The following OTUD7A variants were observed in gnomAD, a reference collection of about 807,000 sequenced individuals.
OTUD7A encodes the protein OTU deubiquitinase 7A.
A neutral mutation model predicts 65.7 loss-of-function variants in OTUD7A; 12 were observed. That is an observed-to-expected ratio of 0.18 (90% CI 0.12 to 0.30). The LOEUF is 0.30. Among genes scored for constraint, OTUD7A ranks in the 10% least tolerant of loss-of-function variants. The pLI, the probability that OTUD7A is intolerant of heterozygous loss-of-function variation, is 1.00. For missense variants in OTUD7A, 1,148 were observed against 1,304.8 expected (o/e 0.88, Z 1.85); for synonymous variants, 641 against 586.3 (o/e 1.09, Z -1.35).
At chr15:31,646,833 C>A (rs1171552789) in intron 3 of OTUD7A, among the ~76,000 whole-genome samples, 1 of 152,076 alleles carries the variant, frequency 6.6e-6, no homozygotes, top group Non-Finnish European at 1.5e-5. Context: ...AGTGATGGTA[C>A]CTGGGGGTTA....
chr15:31,610,442 T>C (rs1353680722), intron 3 of OTUD7A, among the ~76,000 whole-genome samples: 1 of 151,542 alleles, frequency 6.6e-6, no homozygotes, highest in Non-Finnish European at 1.5e-5. Flanking sequence ...AAACTATACC[T>C]TAGAACAAAT....
At chr15:31,673,193 G>T (rs963786728) in intron 1 of OTUD7A, among the ~76,000 whole-genome samples, 1 of 152,220 alleles carries the variant, frequency 6.6e-6, no homozygotes, top group East Asian at 1.9e-4. Flanking sequence ...CTTGACTTAT[G>T]ATGGGGTAAC....
intron 3 of OTUD7A, among the ~76,000 whole-genome samples, chr15:31,572,991 C>G (rs531713490): frequency 1.3e-5 from 2 of 151,922 alleles, no homozygotes; most frequent in African/African-American, 4.8e-5. Context: ...ATTAAAAAAG[C>G]AAACTTTTTG....
At chr15:31,694,909 G>A (rs1464526240) in intron 1 of OTUD7A, among the ~76,000 whole-genome samples, 10 of 151,518 alleles carry the variant, frequency 6.6e-5, no homozygotes, top group Admixed American at 1.3e-4. Flanking sequence ...GCAGTGGCGC[G>A]ATCTCGGCTC....
At chr15:31,656,950 T>C (rs1349291633) in intron 2 of OTUD7A, 33 bp downstream of exon 2, 1 of 152,712 alleles carries the variant, frequency 6.5e-6, no homozygotes, top group Non-Finnish European at 1.5e-5. Flanking sequence ...AATTTTTAGT[T>C]GATGCGGCCA....
chr15:31,489,922 C>T (rs995028735), intron 10 of OTUD7A, among the ~76,000 whole-genome samples: 5 of 152,228 alleles, frequency 3.3e-5, no homozygotes, highest in Non-Finnish European at 5.9e-5. Flanking sequence ...AGCAGCCTTG[C>T]GGCCTAGATC....
intron 3 of OTUD7A, among the ~76,000 whole-genome samples, chr15:31,617,617 C>A (rs1890632438): frequency 6.6e-6 from 1 of 152,070 alleles, no homozygotes; most frequent in Non-Finnish European, 1.5e-5. Flanking sequence ...AAAGCTTAAG[C>A]ACAGGAAAGA....
At chr15:31,685,901 T>G (rs1892825286) in intron 1 of OTUD7A, among the ~76,000 whole-genome samples, 1 of 152,182 alleles carries the variant, frequency 6.6e-6, no homozygotes, top group Non-Finnish European at 1.5e-5. Context: ...CTTCACACAC[T>G]TATGGGGCAC....
intron 1 of OTUD7A, among the ~76,000 whole-genome samples, chr15:31,782,681 A>C (rs1389388307): frequency 6.6e-6 from 1 of 152,214 alleles, no homozygotes; most frequent in Non-Finnish European, 1.5e-5. Context: ...GAAAGAAAGT[A>C]ATTTGGTGAA....
At chr15:31,665,141 G>A (rs1892284594) in intron 1 of OTUD7A, among the ~76,000 whole-genome samples, 1 of 152,110 alleles carries the variant, frequency 6.6e-6, no homozygotes, top group African/African-American at 2.4e-5. Flanking sequence ...GGCTATGCAG[G>A]CTCTTTTTTT....
At chr15:31,653,032 C>T (rs1471745790) in intron 3 of OTUD7A, among the ~76,000 whole-genome samples, 3 of 152,032 alleles carry the variant, frequency 2.0e-5, no homozygotes, top group Non-Finnish European at 2.9e-5. Context: ...GGGCAGATCA[C>T]GAGGTCAGGA....
At chr15:31,663,750 T>G (rs1892239502) in intron 1 of OTUD7A, among the ~76,000 whole-genome samples, 1 of 152,230 alleles carries the variant, frequency 6.6e-6, no homozygotes, top group East Asian at 1.9e-4. Flanking sequence ...GTGGCGATTT[T>G]TGAGATTTTG....
At position 31,484,386 on chromosome 15, in the gene OTUD7A, C is replaced by T. The variant is rs1226588144; in HGVS notation, c.1710G>A (p.Lys570=). The part of the protein sequence containing the change: ...NGDSAERGKE[K]KAKSRKGSKE... Reference sequence around the variant, plus strand: ...TGCTGCCCTTGCGCGACTTGGCCTTCTTCTCCTTGCCCCGCTCGGCCGAGT... The same window carrying T: ...TGCTGCCCTTGCGCGACTTGGCCTTTTTCTCCTTGCCCCGCTCGGCCGAGT... The change falls in exon 13 of 13, where the codon AAG becomes AAA. Residue 570 remains lysine (K), a synonymous_variant. Coordinates refer to ENST00000307050, the MANE Select transcript of OTUD7A (RefSeq NM_001382637.1). The surrounding 1 kb of genome is among the most constrained non-coding windows in gnomAD (Gnocchi z 4.5). The T allele has an allele frequency of 3.7e-6, 6 of 1,601,166 alleles. No homozygotes were observed. Among genetic ancestry groups the T allele is most frequent in the African/African-American group, 1.3e-5 (1 of 74,908 alleles).
intron 1 of OTUD7A, among the ~76,000 whole-genome samples, chr15:31,862,261 A>G (rs572565420): frequency 6.6e-6 from 1 of 152,178 alleles, no homozygotes; most frequent in Non-Finnish European, 1.5e-5. Flanking sequence ...GATCCTGCCC[A>G]ATGAGCCCTT....
intron 1 of OTUD7A, among the ~76,000 whole-genome samples, chr15:31,698,470 T>TG (rs1184740867): frequency 6.6e-6 from 1 of 152,218 alleles, no homozygotes; most frequent in East Asian, 1.9e-4. Flanking sequence ...TCAGCATTGT[T>TG]GGAGATTTGT....
chr15:31,680,595 G>A (rs1183222657), intron 1 of OTUD7A, among the ~76,000 whole-genome samples: 1 of 152,070 alleles, frequency 6.6e-6, no homozygotes, highest in Non-Finnish European at 1.5e-5. Context: ...GACCCGGGAG[G>A]GAAGGAGCAG....
intron 10 of OTUD7A, among the ~76,000 whole-genome samples, chr15:31,499,374 G>A (rs2141078562): frequency 6.6e-6 from 1 of 152,270 alleles, no homozygotes; most frequent in Non-Finnish European, 1.5e-5. Flanking sequence ...GGCATCCTGG[G>A]GCTCGATATT....
intron 3 of OTUD7A, among the ~76,000 whole-genome samples, chr15:31,620,867 G>C (rs7182604): frequency 9.4e-6 from 1 of 105,894 alleles, no homozygotes; most frequent in Non-Finnish European, 1.7e-5. Context: ...TTAGGGTGTC[G>C]ATTTTGGATC....
intron 1 of OTUD7A, among the ~76,000 whole-genome samples, chr15:31,700,074 G>A (rs1048459975): frequency 5.9e-5 from 9 of 151,390 alleles, no homozygotes; most frequent in African/African-American, 2.2e-4. Context: ...TGCTAATGAC[G>A]GAATCACTGA....
Sources: gnomAD v4.1 joint callset for allele counts (sites outside exome capture counted in the v4.1 genomes callset) on GRCh38, gnomAD v4.1.1 for gene constraint, Gnocchi (gnomAD v3.1) non-coding constraint, MANE v1.5 for transcripts, NCBI Gene and HGNC (gene_info 2026-07-23, HGNC 2026-07-21) for gene names.